Variants in POU3F3 observed in about 807,000 individuals in gnomAD.
The protein encoded by POU3F3 is POU domain, class 3, transcription factor 3.
Under a neutral mutation model 8.6 loss-of-function variants are expected in POU3F3, and 1 was observed. That is an observed-to-expected ratio of 0.12 (90% confidence interval 0.04 to 0.55). The LOEUF is 0.55. POU3F3 is among the 20% of genes least tolerant of loss of function. The pLI, the probability that POU3F3 is intolerant of heterozygous loss-of-function variation, is 0.91. For missense variants in POU3F3, 577 were observed against 690.7 expected (o/e 0.84, Z 1.84); for synonymous variants, 418 against 327.4 (o/e 1.28, Z -2.99).
the POU3F3 span, chr2:104,865,368 C>G: frequency 1.3e-5 from 2 of 152,216 alleles, no homozygotes; most frequent in African/African-American, 4.8e-5. Flanking sequence ...TTGTAAGGTC[C>G]TAACACTAGA....
At chr2:104,895,448 G>T in the POU3F3 span, among the ~76,000 whole-genome samples, 1 of 152,040 alleles carries the variant, frequency 6.6e-6, no homozygotes, top group East Asian at 1.9e-4. Context: ...GAAGCTTTCC[G>T]AAAAGTACAC....
chr2:104,912,450 T>G, the POU3F3 span, among the ~76,000 whole-genome samples: 2 of 128,352 alleles, frequency 1.6e-5, no homozygotes, highest in Non-Finnish European at 3.6e-5. Flanking sequence ...CACTATGTGG[T>G]GTGGGGGGCC....
chr2:104,872,462 A>G, the POU3F3 span: 1 of 406,066 alleles, frequency 2.5e-6, no homozygotes, highest in Admixed American at 2.6e-5. This position sits in a 1 kb window ranked among gnomAD's most constrained non-coding sequence, Gnocchi z 4.6. Context: ...TATGGAAATG[A>G]ACGCGACGGC....
At chr2:104,872,692 A>G in the POU3F3 span, 1 of 231,446 alleles carries the variant, frequency 4.3e-6, no homozygotes, top group African/African-American at 2.4e-5. The surrounding 1 kb of genome is among the most constrained non-coding windows in gnomAD (Gnocchi z 4.6). Flanking sequence ...TAGGGATGCT[A>G]CTTTCTTAAA....
At chr2:104,863,381 T>C (rs567652457), downstream of POU3F3, among the ~76,000 whole-genome samples, 1 of 152,088 alleles carries the variant, frequency 6.6e-6, no homozygotes, top group Admixed American at 6.5e-5. Flanking sequence ...CGGCTCAGGT[T>C]CCAGAGGTTC....
At chr2:104,872,822 T>C in the POU3F3 span, among the ~76,000 whole-genome samples, 2 of 152,140 alleles carry the variant, frequency 1.3e-5, no homozygotes, top group African/African-American at 2.4e-5. This position sits in a 1 kb window ranked among gnomAD's most constrained non-coding sequence, Gnocchi z 4.6. Context: ...CAGACTGGCA[T>C]TAAGGAGAGG....
At chr2:104,888,192 G>C in the POU3F3 span, among the ~76,000 whole-genome samples, 1 of 152,220 alleles carries the variant, frequency 6.6e-6, no homozygotes, top group Non-Finnish European at 1.5e-5. Flanking sequence ...TGTTCTGTGT[G>C]TGCGAAATGG....
chr2:104,868,950 G>A, the POU3F3 span, among the ~76,000 whole-genome samples: 2 of 152,206 alleles, frequency 1.3e-5, no homozygotes, highest in Non-Finnish European at 2.9e-5. Flanking sequence ...GTGGGGCAGG[G>A]AGACTTGCTG....
At chr2:104,864,002 C>T in the POU3F3 span, among the ~76,000 whole-genome samples, 1 of 152,234 alleles carries the variant, frequency 6.6e-6, no homozygotes, top group South Asian at 2.1e-4. Context: ...TGGGCAGCCC[C>T]CGGCGCTTGG....
chr2:104,909,382 C>T, the POU3F3 span, among the ~76,000 whole-genome samples: 4 of 152,338 alleles, frequency 2.6e-5, no homozygotes, highest in South Asian at 6.2e-4. Context: ...ACAAATGGTA[C>T]CCTGGGATAC....
At chr2:104,873,766 T>TAC in the POU3F3 span, among the ~76,000 whole-genome samples, 7 of 151,988 alleles carry the variant, frequency 4.6e-5, no homozygotes. Context: ...ACCAAAAACA[T>TAC]ACACACACAC....
the POU3F3 span, among the ~76,000 whole-genome samples, chr2:104,902,959 A>G: frequency 2.6e-5 from 4 of 152,200 alleles, no homozygotes; most frequent in African/African-American, 9.7e-5. Flanking sequence ...ACACTCTGAG[A>G]GCTAAAAATC....
At chr2:104,871,121 G>A in the POU3F3 span, among the ~76,000 whole-genome samples, 2 of 152,098 alleles carry the variant, frequency 1.3e-5, no homozygotes, top group African/African-American at 4.8e-5. Flanking sequence ...AGGGTCTGCC[G>A]GATTATCAGA....
Position 104,855,198 on chromosome 2 carries a change from A to T in POU3F3, c.-313A>T, listed in dbSNP as rs1404006401. On this transcript the variant is annotated 5_prime_UTR_variant, in exon 1 of 1. Transcript: ENST00000361360. ...CCGAGAAGCGAGCCCCCCTCCCCAG[A>T]GCGCTGCTCCTGCGGCTGCTGCTGC... 6.6e-6 allele frequency among the ~76,000 whole-genome samples: 1 copy of T among 151,192 alleles called. No homozygotes were observed. Among genetic ancestry groups the T allele is most frequent in the Non-Finnish European group, 1.5e-5 (1 of 67,802 alleles).
the POU3F3 span, among the ~76,000 whole-genome samples, chr2:104,917,257 A>G: frequency 2.6e-3 from 395 of 152,310 alleles, 1 homozygote; most frequent in African/African-American, 8.9e-3. Context: ...TAATCTATGC[A>G]TAGATACGTA....
chr2:104,856,230 C>G lies in POU3F3; in HGVS notation c.720C>G (p.Pro240=), dbSNP rs1329994117. ...GCATGCTGAGCGCGCCACCGGGGCC[C>G]GGCGGCGGCGGCGGCGGCGCGGGCG... The part of the protein sequence containing the change: ...VNGMLSAPPG[P]GGGGGGAGGG... Residue 240 remains proline (P), a synonymous_variant, in exon 1 of 1, where the codon CCC becomes CCG. Coordinates refer to ENST00000361360, the MANE Select transcript of POU3F3 (RefSeq NM_006236.3). 3.7e-5 allele frequency: 45 copies of G among 1,221,738 alleles called. No individual in the cohort carries two copies. Among genetic ancestry groups the G allele is most frequent in the Non-Finnish European group, 4.4e-5 (43 of 984,516 alleles). The allele number at this position is 1,221,738 out of a possible 1,614,324, so 75.7% of individuals were successfully genotyped here. A position where few individuals can be genotyped will look rare whatever the true frequency, so the allele number is the denominator to read the frequency against.
At chr2:104,918,251 G>C in the POU3F3 span, among the ~76,000 whole-genome samples, 1 of 152,164 alleles carries the variant, frequency 6.6e-6, no homozygotes, top group African/African-American at 2.4e-5. Context: ...CCTCCAGCAG[G>C]CCCGGATGTA....
chr2:104,901,843 C>T, the POU3F3 span, among the ~76,000 whole-genome samples: 1 of 152,230 alleles, frequency 6.6e-6, no homozygotes, highest in African/African-American at 2.4e-5. Flanking sequence ...GTTCCATTAA[C>T]CAAGTCGCTG....
chr2:104,858,282 T>C lies in POU3F3; in HGVS notation c.*1269T>C, dbSNP rs1387108327. On this transcript the variant is annotated 3_prime_UTR_variant, in exon 1 of 1. Transcript: ENST00000361360. The stretch of plus-strand genomic sequence containing the variant: ...ACAGACTTTTCAAAAGACGGCAATA[T>C]AGAATTGTTAGATCCGTTGTTGATC... 1.3e-5 allele frequency: 2 copies of C among 152,214 alleles called. No homozygotes were observed. The highest frequency in any genetic ancestry group is 2.9e-5 in the Non-Finnish European group (2 of 68,034). 9.4% of individuals were successfully genotyped at this position (152,214 alleles called of 1,614,324 possible).
Sources: gnomAD v4.1 joint callset for allele counts (sites outside exome capture counted in the v4.1 genomes callset) on GRCh38, gnomAD v4.1.1 for gene constraint, Gnocchi (gnomAD v3.1) non-coding constraint, MANE v1.5 for transcripts, NCBI Gene and HGNC (gene_info 2026-07-23, HGNC 2026-07-21) for gene names.